CEP95: variants seen among roughly 807,000 people sequenced by gnomAD.
CEP95 encodes centrosomal protein 95.
CEP95 carries 98 observed loss-of-function variants against 111.2 expected under a neutral mutation model. The ratio of observed to expected loss-of-function variants is 0.88; its 90% confidence interval spans 0.75 to 1.04. CEP95 has a LOEUF of 1.04. Ranked by LOEUF, CEP95 falls within the 50% of genes least tolerant of loss-of-function variation. The pLI, the probability that CEP95 is intolerant of heterozygous loss-of-function variation, is 0.00. For synonymous variants in CEP95, 323 were observed against 327.1 expected (o/e 0.99, Z 0.14); for missense variants, 1,027 against 977.2 (o/e 1.05, Z -0.68).
intron 16 of CEP95, among the ~76,000 whole-genome samples, chr17:64,533,451 G>GA (rs202232025): frequency 1.5e-4 from 23 of 152,044 alleles, no homozygotes; most frequent in East Asian, 5.8e-4. Flanking sequence ...TATGGGTGTG[G>GA]AAAAAATGAG....
intron 6 of CEP95, among the ~76,000 whole-genome samples, 164 bp downstream of exon 6, chr17:64,519,600 G>T (rs1967153235): frequency 6.6e-6 from 1 of 152,172 alleles, no homozygotes; most frequent in South Asian, 2.1e-4. Flanking sequence ...ACACTTATCT[G>T]AAGTCGCAGG....
chr17:64,516,663 A>T, intron 4 of CEP95, 60 bp from the exon 5 acceptor site: 3 of 1,023,748 alleles, frequency 2.9e-6, no homozygotes, highest in Non-Finnish European at 2.9e-6. Context: ...TGCCTCTTAC[A>T]TAGAAAAAGT....
intron 16 of CEP95, chr17:64,534,072 G>A (rs782800513): frequency 3.2e-5 from 5 of 157,750 alleles, no homozygotes; most frequent in Admixed American, 6.2e-5. Flanking sequence ...ACAGTTCCAG[G>A]AAGACATCTC....
chr17:64,537,227 A>T, intron 19 of CEP95, 115 bp downstream of exon 19: 1 of 1,497,858 alleles, frequency 6.7e-7, no homozygotes. Flanking sequence ...CCCGGTGTGC[A>T]GTGGACTGTA....
chr17:64,524,658 G>A (rs1276610971), intron 8 of CEP95, among the ~76,000 whole-genome samples: 3 of 152,090 alleles, frequency 2.0e-5, no homozygotes, highest in East Asian at 3.8e-4. Context: ...ATAATGAAGT[G>A]AAATTAAAGA....
chr17:64,524,826 C>T (rs1340585522), intron 8 of CEP95, among the ~76,000 whole-genome samples: 12 of 149,934 alleles, frequency 8.0e-5, no homozygotes, highest in Non-Finnish European at 1.6e-4. Context: ...CAAAAATTAG[C>T]CAGGCGCGGT....
rs782175083 is a variant in CEP95, at chr17:64,521,477, T to C, written c.665T>C (p.Leu222Ser). 3 of 1,612,960 alleles carry C rather than the reference T, an allele frequency of 1.9e-6. No individual in the cohort carries two copies. The highest frequency in any genetic ancestry group is 1.1e-5 in the South Asian group (1 of 90,988). ...AGTTCTAAATCACATGAAGATATGT[T>C]GTACCCTCCTAGTGTTTTGTCCAAG... ...SPSSKSHEDM[L>S]YPPSVLSKSR... Residue 222 changes from leucine to serine, a missense_variant, in exon 7 of 20, where the codon TTG becomes TCG. Physicochemically the swap from Leu to Ser is moderately radical, Grantham distance 145 (BLOSUM62 -2). Transcript: ENST00000556440.
chr17:64,525,780 A>G lies in CEP95; in HGVS notation c.920A>G (p.Asp307Gly). 6.2e-7 allele frequency: 1 copy of G among 1,602,818 alleles called. No individual in the cohort carries two copies. The highest frequency in any genetic ancestry group is 8.5e-7 in the Non-Finnish European group (1 of 1,174,692). ...TTCTGTTTTTAATAGGATCTAGATGATGGACTTTTCTTAATTTCCAAGTTG... is the reference window on the plus strand; with the variant it reads ...TTCTGTTTTTAATAGGATCTAGATGGTGGACTTTTCTTAATTTCCAAGTTG... The part of the protein sequence containing the change: ...EHTEFSGDLD[D>G]GLFLISKLPK... The change falls in exon 9 of 20, where the codon GAT becomes GGT. Residue 307 changes from aspartate (D) to glycine (G), a missense_variant. Transcript: ENST00000556440.
intron 5 of CEP95, among the ~76,000 whole-genome samples, chr17:64,518,042 A>C (rs779392186): frequency 5.9e-5 from 9 of 151,766 alleles, no homozygotes; most frequent in Non-Finnish European, 1.3e-4. Context: ...ACGGCTGGCT[A>C]ATTTTTGTAT....
At chr17:64,532,777 G>A in intron 14 of CEP95, 62 bp from the exon 15 acceptor site, 1 of 1,549,726 alleles carries the variant, frequency 6.5e-7, no homozygotes, top group Non-Finnish European at 8.7e-7. Context: ...GATCTACCAG[G>A]GATGTTGGAT....
chr17:64,533,763 C>T (rs1555680900), intron 16 of CEP95, among the ~76,000 whole-genome samples: 1 of 152,114 alleles, frequency 6.6e-6, no homozygotes. Context: ...TGCCCTGGGT[C>T]TCACTGATAA....
chr17:64,513,439 C>A (rs1188189771), intron 3 of CEP95, among the ~76,000 whole-genome samples: 1 of 152,088 alleles, frequency 6.6e-6, no homozygotes, highest in Non-Finnish European at 1.5e-5. Flanking sequence ...TTTTTGCCAA[C>A]CCATTTCTAT....
In CEP95 at chr17:64,510,298, T is replaced by TATCAC; in HGVS notation, c.256+21_256+25dup. On this transcript the variant is annotated intron_variant, in intron 3 of 19. Transcript: ENST00000556440. ...CATAACAGGTTGGTATATGTATAAC[T>TATCAC]ATCACATAATTATGCATTTTAGTAA... The TATCAC allele has an allele frequency of 7.4e-7, 1 of 1,358,696 alleles. No homozygotes were observed. Among genetic ancestry groups the TATCAC allele is most frequent in the South Asian group, 1.2e-5 (1 of 82,868 alleles). 84.2% of individuals were successfully genotyped at this position (1,358,696 alleles called of 1,614,324 possible). A position where few individuals can be genotyped will look rare whatever the true frequency, so the allele number is the denominator to read the frequency against.
intron 4 of CEP95, 37 bp from the exon 5 acceptor site, chr17:64,516,686 G>A (rs781873007): frequency 3.9e-6 from 5 of 1,276,624 alleles, no homozygotes; most frequent in Non-Finnish European, 5.6e-6. Context: ...TATTCACTTA[G>A]GGGTTTTTTG....
chr17:64,532,623 A>G (rs1968358291), intron 14 of CEP95: 1 of 1,339,682 alleles, frequency 7.5e-7, no homozygotes, highest in Non-Finnish European at 9.5e-7. Flanking sequence ...CAGGACCAGC[A>G]TGGCATCAAT....
intron 3 of CEP95, among the ~76,000 whole-genome samples, chr17:64,512,922 T>C (rs1222304119): frequency 2.0e-5 from 3 of 152,202 alleles, no homozygotes; most frequent in Non-Finnish European, 4.4e-5. Flanking sequence ...TAAAACTCTT[T>C]AATGCAGAGC....
chr17:64,509,840 A>G (rs1361917465), intron 2 of CEP95, among the ~76,000 whole-genome samples: 1 of 152,006 alleles, frequency 6.6e-6, no homozygotes, highest in Non-Finnish European at 1.5e-5. Flanking sequence ...CTTTGAATTT[A>G]GGGACCACTT....
rs576870712 is a variant in CEP95, at chr17:64,508,633, A to G, written c.61A>G (p.Ile21Val). ...CAATAACCTTCTTTTTAAGTGTCAT[A>G]TACATCTGAGAATACATGAACTTCA... is the stretch of plus-strand genomic sequence containing the variant. The part of the protein sequence containing the change: ...IANNLLFKCH[I>V]HLRIHELQDC... Residue 21 changes from isoleucine (I) to valine (V), a missense_variant, in exon 2 of 20, where the codon ATA (isoleucine) becomes GTA (valine). Coordinates refer to ENST00000556440, the MANE Select transcript of CEP95 (RefSeq NM_138363.3). The G allele has an allele frequency of 9.6e-6, 14 of 1,455,724 alleles. No individual in the cohort carries two copies. In the East Asian group the frequency reaches 2.7e-4, roughly 28 times the overall value. 90.2% of individuals were successfully genotyped at this position (1,455,724 alleles called of 1,614,324 possible).
Position 64,527,245 on chromosome 17 carries a change from G to A in CEP95, c.1287G>A (p.Gly429=). ...ACAGTGATGGCATCGTGGAGTATGG[G>A]CCAAAGAAGTCAAGGCCAGGTACTT... The part of the protein sequence containing the change: ...SQHSDGIVEY[G]PKKSRPGLSM... Residue 429 remains glycine, a synonymous_variant, in exon 11 of 20, where the codon GGG becomes GGA. Coordinates refer to ENST00000556440, the MANE Select transcript of CEP95 (RefSeq NM_138363.3). 1.2e-6 allele frequency: 2 copies of A among 1,612,122 alleles called. No homozygotes were observed. The highest frequency in any genetic ancestry group is 1.7e-6 in the Non-Finnish European group (2 of 1,179,106).
Sources: gnomAD v4.1 joint callset for allele counts (sites outside exome capture counted in the v4.1 genomes callset) on GRCh38, gnomAD v4.1.1 for gene constraint, MANE v1.5 for transcripts, NCBI Gene and HGNC (gene_info 2026-07-23, HGNC 2026-07-21) for gene names.